ELL: variants seen among roughly 807,000 people sequenced by gnomAD.
The protein encoded by ELL is elongation factor for RNA polymerase II.
ELL carries 18 observed loss-of-function variants against 64.0 expected under a neutral mutation model. The observed-to-expected ratio is 0.28, with a 90% CI of 0.19 to 0.42. The LOEUF is 0.42. Ranked by LOEUF, ELL falls within the 10% of genes least tolerant of loss-of-function variation. The pLI is 1.00. For synonymous variants in ELL, 399 were observed against 376.2 expected, an observed-to-expected ratio of 1.06 and a Z score of -0.70; for missense variants, 797 against 870.4, an observed-to-expected ratio of 0.92 and a Z score of 1.06.
intron 1 of ELL, among the ~76,000 whole-genome samples, chr19:18,488,971 C>A (rs912475337): frequency 1.3e-5 from 2 of 152,226 alleles, no homozygotes; most frequent in Non-Finnish European, 2.9e-5. Context: ...GCTGTGCAGG[C>A]GCGGGTCCCT....
chr19:18,459,100 G>C (rs111615037), intron 5 of ELL, among the ~76,000 whole-genome samples: 1 of 151,930 alleles, frequency 6.6e-6, no homozygotes, highest in African/African-American at 2.4e-5. Flanking sequence ...GGCTGGTCTC[G>C]AGCTCCTGGC....
At chr19:18,461,449 G>T in intron 5 of ELL, 129 bp downstream of exon 5, 1 of 1,429,648 alleles carries the variant, frequency 7.0e-7, no homozygotes, top group Non-Finnish European at 9.3e-7. Context: ...TTCTGAACCT[G>T]TGAGAGACCC....
chr19:18,456,030 G>A (rs1974666048), intron 6 of ELL, among the ~76,000 whole-genome samples: 1 of 151,854 alleles, frequency 6.6e-6, no homozygotes, highest in Non-Finnish European at 1.5e-5. Flanking sequence ...CCAGGAGACG[G>A]ACGTTGCTGT....
chr19:18,497,443 G>A (rs1263705012), intron 1 of ELL, among the ~76,000 whole-genome samples: 1 of 152,154 alleles, frequency 6.6e-6, no homozygotes, highest in African/African-American at 2.4e-5. Context: ...TACCATGGTG[G>A]ACATGTCATT....
intron 1 of ELL, among the ~76,000 whole-genome samples, chr19:18,482,750 C>T (rs1975328249): frequency 7.1e-6 from 1 of 141,594 alleles, no homozygotes; most frequent in Non-Finnish European, 1.5e-5. Flanking sequence ...TAGTTCCTCC[C>T]ATCTTTTTGG....
At chr19:18,460,524 T>G (rs1258265831) in intron 5 of ELL, among the ~76,000 whole-genome samples, 1 of 152,156 alleles carries the variant, frequency 6.6e-6, no homozygotes, top group African/African-American at 2.4e-5. Context: ...CAGCAACTCC[T>G]GCTGGCACCA....
intron 1 of ELL, among the ~76,000 whole-genome samples, chr19:18,497,340 A>C (rs1350965513): frequency 6.6e-6 from 1 of 152,220 alleles, no homozygotes; most frequent in Admixed American, 6.5e-5. Context: ...AGACAGTAAG[A>C]GCATCGGTGG....
At position 18,485,859 on chromosome 19, in the gene ELL, G is replaced by A. The variant is rs989930941; in HGVS notation, c.136-12977C>T. On this transcript the variant is annotated intron_variant, in intron 1 of 11. Coordinates refer to ENST00000262809, the MANE Select transcript of ELL (RefSeq NM_006532.4). ...AAATTAGCCGGGCGTGGTAGCACAC[G>A]CCTATAGTCCCAGCTATTTGGGAGG... Among the ~76,000 whole-genome samples the A allele has an allele frequency of 3.9e-5, 6 of 152,070 alleles. No homozygotes were observed. In the South Asian group the frequency reaches 6.2e-4, roughly 16 times the overall value.
chr19:18,519,677 C>T (rs995869518), intron 1 of ELL, among the ~76,000 whole-genome samples: 1 of 151,876 alleles, frequency 6.6e-6, no homozygotes, highest in Non-Finnish European at 1.5e-5. Context: ...TGTGGTGGCA[C>T]GTGCCTGTAG....
chr19:18,501,531 G>C lies in ELL; in HGVS notation c.135+20390C>G, dbSNP rs1975779864. Among the ~76,000 whole-genome samples the C allele has an allele frequency of 1.3e-5, 2 of 152,184 alleles. No homozygotes were observed. Among genetic ancestry groups the C allele is most frequent in the African/African-American group, 4.8e-5 (2 of 41,440 alleles). ...AGTGAGGGGCCACTGGCAGAAGGGA[G>C]CAAGACACTGGTCCACGGCACAGCC... On this transcript the variant is annotated intron_variant, in intron 1 of 11. Coordinates refer to ENST00000262809, the MANE Select transcript of ELL (RefSeq NM_006532.4). This position sits in a 1 kb window ranked among gnomAD's most constrained non-coding sequence, Gnocchi z 4.5.
intron 1 of ELL, among the ~76,000 whole-genome samples, chr19:18,487,443 A>G (rs940415977): frequency 1.3e-5 from 2 of 152,200 alleles, no homozygotes; most frequent in Non-Finnish European, 2.9e-5. Context: ...AGTGCTTAGG[A>G]TGCGCACAGA....
At chr19:18,455,658 G>T (rs1423822564) in intron 6 of ELL, among the ~76,000 whole-genome samples, 2 of 151,762 alleles carry the variant, frequency 1.3e-5, no homozygotes, top group African/African-American at 4.8e-5. Flanking sequence ...CCAGTCTGGA[G>T]AACATGGTGA....
Position 18,443,613 on chromosome 19 carries a change from G to GC in ELL, c.*1138dup, listed in dbSNP as rs759131749. On this transcript the variant is annotated 3_prime_UTR_variant, in exon 12 of 12. Coordinates refer to ENST00000262809, the MANE Select transcript of ELL (RefSeq NM_006532.4). ...ACACTCACACACCCACACTTGCGTG[G>GC]CCCCCCGATGCTTTGGGGGACACTA... The GC allele has an allele frequency of 8.6e-6, 2 of 233,420 alleles. No homozygotes were observed. The highest frequency in any genetic ancestry group is 8.5e-6 in the Non-Finnish European group (1 of 118,016). 14.5% of individuals were successfully genotyped at this position (233,420 alleles called of 1,614,324 possible).
chr19:18,472,336 G>C (rs1975080029), intron 2 of ELL: 1 of 153,576 alleles, frequency 6.5e-6, no homozygotes, highest in African/African-American at 2.4e-5. Flanking sequence ...GGCTGAAACT[G>C]ATCCACCTCA....
intron 1 of ELL, among the ~76,000 whole-genome samples, chr19:18,513,912 C>G (rs950915633): frequency 6.6e-6 from 1 of 152,142 alleles, no homozygotes; most frequent in African/African-American, 2.4e-5. Context: ...GACTGGGCGA[C>G]AGAGCGAGAC....
intron 4 of ELL, 113 bp downstream of exon 4, chr19:18,465,299 C>T (rs1974910038): frequency 1.4e-6 from 2 of 1,401,420 alleles, no homozygotes; most frequent in Admixed American, 2.6e-5. Flanking sequence ...CCTCGGTTGA[C>T]CCATCATTTC....
chr19:18,445,132 A>G, intron 11 of ELL, 92 bp downstream of exon 11: 1 of 1,540,148 alleles, frequency 6.5e-7, no homozygotes, highest in Non-Finnish European at 9.0e-7. Flanking sequence ...ACACCTTGGA[A>G]GTAGCGGGCA....
intron 1 of ELL, among the ~76,000 whole-genome samples, chr19:18,491,331 T>C (rs915280015): frequency 7.1e-6 from 1 of 141,712 alleles, no homozygotes; most frequent in Admixed American, 7.5e-5. Context: ...CAGGCTGGTC[T>C]TGAACTCCTG....
intron 1 of ELL, among the ~76,000 whole-genome samples, chr19:18,509,619 A>G (rs963675042): frequency 0.02 from 2,773 of 135,632 alleles, 165 homozygotes; most frequent in Admixed American, 0.048. Flanking sequence ...ACACACACAC[A>G]CACACACACA....
Sources: allele counts gnomAD v4.1 joint callset (sites outside exome capture counted in the v4.1 genomes callset), GRCh38; gene constraint gnomAD v4.1.1; non-coding constraint Gnocchi (gnomAD v3.1); transcripts MANE v1.5; gene names NCBI Gene and HGNC (gene_info 2026-07-23, HGNC 2026-07-21).